The following PRL variants were observed in gnomAD, a reference collection of about 807,000 sequenced individuals.
PRL encodes the protein prolactin.
PRL carries 24 observed loss-of-function variants against 21.3 expected under a neutral mutation model. The ratio of observed to expected loss-of-function variants is 1.13; its 90% CI spans 0.82 to 1.59. PRL has a LOEUF of 1.59. Ranked by LOEUF, PRL falls within the 40% of genes most tolerant of loss-of-function variation. PRL has a pLI of 0.00. For synonymous variants in PRL, 118 were observed against 115.7 expected (o/e 1.02, Z -0.13); for missense variants, 243 against 286.9 (o/e 0.85, Z 1.10).
rs1761072992 is a variant in PRL at position 22,292,587 on chromosome 6, G to A, written c.263C>T (p.Thr88Ile). 1.9e-6 allele frequency: 3 copies of A among 1,614,132 alleles called. No individual in the cohort carries two copies. The highest frequency in any genetic ancestry group is 3.3e-5 in the Admixed American group (2 of 60,022). Residue 88 changes from threonine to isoleucine, a missense_variant, in exon 3 of 5, where the codon ACT becomes ATT. Transcript: ENST00000306482. Reference protein sequence around the residue: ...FITKAINSCHTSSLATPEDKE... With the variant: ...FITKAINSCHISSLATPEDKE... ...GTCTTCGGGGGTGGCAAGGGAAGAAGTGTGGCAGCTGTTGATGGCCTTGGT... is the reference window on the plus strand; with the variant it reads ...GTCTTCGGGGGTGGCAAGGGAAGAAATGTGGCAGCTGTTGATGGCCTTGGT...
At position 22,290,336 on chromosome 6, in the gene PRL, G is replaced by A; in HGVS notation, c.330C>T (p.Ser110=). The A allele has an allele frequency of 6.3e-7, 1 of 1,591,440 alleles. No individual in the cohort carries two copies. Among genetic ancestry groups the A allele is most frequent in the Middle Eastern group, 1.7e-4 (1 of 5,960 alleles). Residue 110 remains serine, a synonymous_variant, in exon 4 of 5, where the codon AGC becomes AGT. Coordinates refer to ENST00000306482, the MANE Select transcript of PRL (RefSeq NM_000948.6). The stretch of plus-strand genomic sequence containing the variant: ...AGGATCGCAATATGCTGACTATCAG[G>A]CTCAGAAAGTCTTTTTGCTACGAAA... ...AQQMNQKDFL[S]LIVSILRSWN... is the part of the protein sequence containing the mutation.
upstream of PRL, chr6:22,297,085 T>A: frequency 8.7e-7 from 1 of 1,152,022 alleles, no homozygotes; most frequent in African/African-American, 1.5e-5. Flanking sequence ...GATATCTTCA[T>A]GAATATAATG....
chr6:22,290,166 C>T lies in PRL; in HGVS notation c.492+8G>A. The T allele has an allele frequency of 6.4e-7, 1 of 1,558,230 alleles. No individual in the cohort carries two copies. Among genetic ancestry groups the T allele is most frequent in the Non-Finnish European group, 8.8e-7 (1 of 1,142,280 alleles). On this transcript the variant is annotated splice_region_variant and intron_variant, in intron 4 of 4. Transcript: ENST00000306482. ...AGAAAAACAAAGAAGCACCAGGAGG[C>T]TGCTCACCTGGCTGACTATCAGCTC...
chr6:22,293,088 C>A (rs186699014), intron 2 of PRL, among the ~76,000 whole-genome samples: 1 of 152,320 alleles, frequency 6.6e-6, no homozygotes, highest in East Asian at 1.9e-4. Flanking sequence ...AACTGATAGA[C>A]TTCTCTTAAT....
chr6:22,287,676 A>G (rs1277068343), intron 4 of PRL, 83 bp from the exon 5 acceptor site: 25 of 1,245,330 alleles, frequency 2.0e-5, no homozygotes, highest in Non-Finnish European at 2.6e-5. Flanking sequence ...TTGAATTAAG[A>G]ATTGAGAATG....
chr6:22,296,854 C>T, intron 1 of PRL, 101 bp downstream of exon 1: 1 of 1,313,106 alleles, frequency 7.6e-7, no homozygotes, highest in Non-Finnish European at 1.1e-6. Flanking sequence ...TGCTTCTAAA[C>T]CTTGTAAACC....
chr6:22,294,692 C>T, intron 1 of PRL, 108 bp from the exon 2 acceptor site: 1 of 1,240,994 alleles, frequency 8.1e-7, no homozygotes, highest in East Asian at 2.6e-5. Context: ...CCTCAGCTGC[C>T]TGATTTGCTA....
chr6:22,294,170 A>G (rs11967358), intron 2 of PRL, among the ~76,000 whole-genome samples: 1 of 152,178 alleles, frequency 6.6e-6, no homozygotes, highest in South Asian at 2.1e-4. Context: ...TTTTATTTTT[A>G]AAAAATAAAG....
rs375519108 is a variant in PRL at position 22,294,360 on chromosome 6, G to C, written c.204+49C>G. 1.9e-5 allele frequency: 30 copies of C among 1,605,296 alleles called. No homozygotes were observed. The African/African-American group carries it at 3.7e-4, about 20-fold the overall frequency. On this transcript the variant is annotated intron_variant, in intron 2 of 4. Coordinates refer to ENST00000306482, the MANE Select transcript of PRL (RefSeq NM_000948.6). Reference sequence around the variant, plus strand: ...GGTTAACATGTAGCAGAGCCCAGTAGTTCATGTGAAGGCTCCTTCAGGGAG... The same window carrying C: ...GGTTAACATGTAGCAGAGCCCAGTACTTCATGTGAAGGCTCCTTCAGGGAG...
chr6:22,289,009 TG>T (rs772232177), intron 4 of PRL, among the ~76,000 whole-genome samples: 12 of 152,274 alleles, frequency 7.9e-5, no homozygotes, highest in Non-Finnish European at 1.8e-4. Context: ...TTTTAATTTT[TG>T]GTACTTGAGC....
At chr6:22,294,275 T>C in intron 2 of PRL, 134 bp downstream of exon 2, 1 of 944,278 alleles carries the variant, frequency 1.1e-6, no homozygotes, top group South Asian at 1.6e-5. Context: ...TCTTATGAGC[T>C]GGTGTCTTCT....
At chr6:22,297,237 AT>A, upstream of PRL, 1 of 514,812 alleles carries the variant, frequency 1.9e-6, no homozygotes, top group Admixed American at 3.7e-5. Context: ...TCTAGGAAGG[AT>A]TTTGATTAAT....
At chr6:22,300,994 G>A (rs900238738), upstream of PRL, among the ~76,000 whole-genome samples, 7 of 152,314 alleles carry the variant, frequency 4.6e-5, no homozygotes, top group South Asian at 6.2e-4. Context: ...CTCCACAAAC[G>A]TAAATCTCAC....
chr6:22,287,269 G>A lies in PRL; in HGVS notation c.*133C>T, dbSNP rs527723880. 1.3e-4 allele frequency: 107 copies of A among 842,300 alleles called. No homozygotes were observed. The highest frequency in any genetic ancestry group is 1.8e-4 in the Non-Finnish European group (102 of 578,356). 52.2% of individuals were successfully genotyped at this position (842,300 alleles called of 1,614,324 possible). On this transcript the variant is annotated 3_prime_UTR_variant, in exon 5 of 5. Transcript: ENST00000306482. ...CATTTTAGATTTTGATGTCTCTAAG[G>A]AGTCAGTTTTTATTTTTTAAGAGGA...
chr6:22,288,880 G>A lies in PRL; in HGVS notation c.493-1287C>T, dbSNP rs1760982042. Reference sequence around the variant, plus strand: ...TTAAAGTGTGTGTGTGTGTATGCGCGTGCGCGTGTGTGTGCGTGTGTGCGC... The same window carrying A: ...TTAAAGTGTGTGTGTGTGTATGCGCATGCGCGTGTGTGTGCGTGTGTGCGC... On this transcript the variant is annotated intron_variant, in intron 4 of 4. Coordinates refer to ENST00000306482, the MANE Select transcript of PRL (RefSeq NM_000948.6). The surrounding 1 kb of genome is among the most constrained non-coding windows in gnomAD (Gnocchi z 4.5). Among the ~76,000 whole-genome samples, 3 of 151,860 alleles carry A rather than the reference G, an allele frequency of 2.0e-5. No homozygotes were observed. The highest frequency in any genetic ancestry group is 2.9e-5 in the Non-Finnish European group (2 of 67,970).
Position 22,287,390 on chromosome 6 carries a change from A to C in PRL, c.*12T>G. ...AAGGACCTTCTCAGAAATAGATGAA[A>C]TGGATGTGGGCTTAGCAGTTGTTGT... On this transcript the variant is annotated 3_prime_UTR_variant, in exon 5 of 5. Coordinates refer to ENST00000306482, the MANE Select transcript of PRL (RefSeq NM_000948.6). 1 of 1,600,264 alleles carries C rather than the reference A, an allele frequency of 6.2e-7. No homozygotes were observed. Among genetic ancestry groups the C allele is most frequent in the Non-Finnish European group, 8.6e-7 (1 of 1,169,514 alleles).
At chr6:22,296,580 C>A (rs1290256539) in intron 1 of PRL, among the ~76,000 whole-genome samples, 2 of 152,200 alleles carry the variant, frequency 1.3e-5, no homozygotes, top group African/African-American at 4.8e-5. Flanking sequence ...GTTTCTCAAT[C>A]TTGATATTAT....
Position 22,287,549 on chromosome 6 carries a change from C to G in PRL, c.537G>C (p.Ser179=). The change falls in exon 5 of 5, where the codon TCG becomes TCC. Residue 179 remains serine (S), a synonymous_variant. Coordinates refer to ENST00000306482, the MANE Select transcript of PRL (RefSeq NM_000948.6). ...CAGCCATCTGCAGGGATGGAAGTCC[C>G]GACCAGACAGGGTAGATCTCATTTT... The part of the protein sequence containing the change: ...TKENEIYPVW[S]GLPSLQMADE... The G allele has an allele frequency of 6.2e-7, 1 of 1,613,780 alleles. No individual in the cohort carries two copies. Among genetic ancestry groups the G allele is most frequent in the African/African-American group, 1.3e-5 (1 of 75,040 alleles).
chr6:22,302,326 G>A (rs1398219169), upstream of PRL, among the ~76,000 whole-genome samples: 19 of 147,546 alleles, frequency 1.3e-4, no homozygotes, highest in Non-Finnish European at 1.2e-4. Flanking sequence ...ACAGAAAATA[G>A]AAAAAAAAAA....
Sources: allele counts gnomAD v4.1 joint callset (sites outside exome capture counted in the v4.1 genomes callset), GRCh38; gene constraint gnomAD v4.1.1; non-coding constraint Gnocchi (gnomAD v3.1); transcripts MANE v1.5; gene names NCBI Gene and HGNC (gene_info 2026-07-23, HGNC 2026-07-21).